ADAMTS12: variants seen among roughly 807,000 people sequenced by gnomAD.
ADAMTS12 encodes the protein ADAM metallopeptidase with thrombospondin type 1 motif 12, also known as A disintegrin and metalloproteinase with thrombospondin motifs 12.
In ADAMTS12, 118 loss-of-function variants were observed where a neutral mutation model predicts 167.8. That is an observed-to-expected ratio of 0.70 (90% CI 0.61 to 0.82). ADAMTS12 has a LOEUF of 0.82. ADAMTS12 is among the 40% of genes least tolerant of loss of function. The pLI is 0.00. For missense variants in ADAMTS12, 1,916 were observed against 1,998.8 expected, an observed-to-expected ratio of 0.96 and a Z score of 0.79; for synonymous variants, 704 against 716.9, an observed-to-expected ratio of 0.98 and a Z score of 0.29.
At chr5:33,835,548 C>T (rs995425044) in intron 2 of ADAMTS12, among the ~76,000 whole-genome samples, 4 of 152,212 alleles carry the variant, frequency 2.6e-5, no homozygotes, top group Non-Finnish European at 4.4e-5. Context: ...GGGCCTGTCT[C>T]CTAGTTCATA....
chr5:33,537,218 A>G (rs1744461097), intron 22 of ADAMTS12, among the ~76,000 whole-genome samples: 2 of 152,276 alleles, frequency 1.3e-5, no homozygotes, highest in African/African-American at 2.4e-5. Flanking sequence ...TTAAGTAAAT[A>G]TGATCAATCA....
At chr5:33,877,935 G>C (rs1383198558) in intron 2 of ADAMTS12, among the ~76,000 whole-genome samples, 1 of 152,118 alleles carries the variant, frequency 6.6e-6, no homozygotes. Flanking sequence ...AGGAATGACA[G>C]GCAGACGTCC....
Position 33,652,701 on chromosome 5 carries a change from C to G in ADAMTS12, c.1191-3004G>C, listed in dbSNP as rs190500782. Among the ~76,000 whole-genome samples, 309 of 152,094 alleles carry G rather than the reference C, an allele frequency of 2.0e-3. 2 individuals are homozygous for G. Among genetic ancestry groups the G allele is most frequent in the Non-Finnish European group, 9.9e-4 (67 of 67,938 alleles). On this transcript the variant is annotated intron_variant, in intron 7 of 23. Coordinates refer to ENST00000504830, the MANE Select transcript of ADAMTS12 (RefSeq NM_030955.4). ...TAAGGTCTTAGCCATAAATTCTTTG[C>G]CTGGACCAAAAGAGTTTCTTTCTTC...
In ADAMTS12 at chr5:33,751,478, C is replaced by A; in HGVS notation, c.560G>T (p.Gly187Val). The A allele has an allele frequency of 1.2e-6, 2 of 1,614,106 alleles. No homozygotes were observed. Among genetic ancestry groups the A allele is most frequent in the Non-Finnish European group, 1.7e-6 (2 of 1,180,004 alleles). The change falls in exon 3 of 24, where the codon GGA (glycine) becomes GTA (valine). Residue 187 changes from glycine (G) to valine (V), a missense_variant. Physicochemically the swap from Gly to Val is moderately radical, Grantham distance 109. Transcript: ENST00000504830. ...EPVKKHPLVEGGYHPHIVYRR... is the reference protein window; with the variant it reads ...EPVKKHPLVEVGYHPHIVYRR... ...GTAAACGATGTGCGGGTGGTACCCTCCCTCAACCAGTGGATGCTTCTTCAC... is the reference window on the plus strand; with the variant it reads ...GTAAACGATGTGCGGGTGGTACCCTACCTCAACCAGTGGATGCTTCTTCAC...
chr5:33,886,592 G>A (rs1407168188), intron 1 of ADAMTS12, among the ~76,000 whole-genome samples: 1 of 152,290 alleles, frequency 6.6e-6, no homozygotes, highest in South Asian at 2.1e-4. Flanking sequence ...TCCCAGGGAC[G>A]GTGATCTGAC....
intron 21 of ADAMTS12, among the ~76,000 whole-genome samples, chr5:33,547,168 C>T (rs965338466): frequency 6.6e-6 from 1 of 152,122 alleles, no homozygotes; most frequent in Non-Finnish European, 1.5e-5. Context: ...TTGTGCATAC[C>T]TACCTATGTG....
chr5:33,813,490 G>C (rs1254921641), intron 2 of ADAMTS12, among the ~76,000 whole-genome samples: 1 of 152,174 alleles, frequency 6.6e-6, no homozygotes. Flanking sequence ...TGGTGGAGTA[G>C]ATTTCTCCAC....
chr5:33,768,951 C>T (rs913504962), intron 2 of ADAMTS12, among the ~76,000 whole-genome samples: 2 of 151,610 alleles, frequency 1.3e-5, no homozygotes, highest in Admixed American at 6.6e-5. Flanking sequence ...ATTAAAGTTG[C>T]TAATCAGCTG....
At chr5:33,679,374 G>A (rs979028591) in intron 5 of ADAMTS12, among the ~76,000 whole-genome samples, 4 of 152,164 alleles carry the variant, frequency 2.6e-5, no homozygotes, top group Non-Finnish European at 4.4e-5. Flanking sequence ...GTTCAGCATG[G>A]CTTGGGAGGC....
intron 3 of ADAMTS12, among the ~76,000 whole-genome samples, chr5:33,721,386 C>A (rs1454130286): frequency 3.3e-5 from 5 of 152,004 alleles, no homozygotes; most frequent in Admixed American, 3.3e-4. Context: ...ATGAGAAAAC[C>A]CCCTCCGAAT....
chr5:33,649,611 T>C lies in ADAMTS12; in HGVS notation c.1277A>G (p.Asp426Gly). The C allele has an allele frequency of 6.2e-7, 1 of 1,614,030 alleles. No individual in the cohort carries two copies. The highest frequency in any genetic ancestry group is 8.5e-7 in the Non-Finnish European group (1 of 1,179,922). Residue 426 changes from aspartate (D) to glycine (G), a missense_variant, in exon 8 of 24, where the codon GAT becomes GGT. Transcript: ENST00000504830. ...CTTGGACCATGTCAGCGGAGTGGGA[T>C]CGTACTGGAGCTGGCGGGACATGAT... ...PYIMSRQLQY[D>G]PTPLTWSKCS... is the part of the protein sequence containing the mutation.
chr5:33,702,263 G>A (rs1223661763), intron 3 of ADAMTS12, among the ~76,000 whole-genome samples: 2 of 152,164 alleles, frequency 1.3e-5, no homozygotes, highest in African/African-American at 4.8e-5. Context: ...GCAACTTCCA[G>A]CATTGGTTCT....
At chr5:33,888,142 A>G (rs1750705404) in intron 1 of ADAMTS12, 1 of 152,168 alleles carries the variant, frequency 6.6e-6, no homozygotes, top group African/African-American at 2.4e-5. Flanking sequence ...ATATTAGTAT[A>G]TGTGCTTCCA....
chr5:33,805,598 G>A lies in ADAMTS12; in HGVS notation c.490-54050C>T, dbSNP rs115510452. Among the ~76,000 whole-genome samples the A allele has an allele frequency of 7.2e-3, 1,097 of 152,308 alleles. 13 individuals are homozygous for A. Among genetic ancestry groups the A allele is most frequent in the African/African-American group, 0.026 (1,062 of 41,562 alleles). On this transcript the variant is annotated intron_variant, in intron 2 of 23. Transcript: ENST00000504830. ...TCCTAATGGAGTGAGGTCTCCTAAG[G>A]GGAGCGCGTGGAGGCTTTCATCAAG...
chr5:33,880,987 G>T, intron 2 of ADAMTS12, 132 bp downstream of exon 2: 1 of 1,355,854 alleles, frequency 7.4e-7, no homozygotes, highest in Non-Finnish European at 1.0e-6. Flanking sequence ...CCACTTTGGA[G>T]GCCAGGATCA....
intron 17 of ADAMTS12, among the ~76,000 whole-genome samples, chr5:33,592,144 G>A (rs934225272): frequency 5.3e-5 from 8 of 152,044 alleles, no homozygotes; most frequent in Non-Finnish European, 1.5e-5. Flanking sequence ...TAGGAGGATC[G>A]CTTGAACCTG....
At chr5:33,556,482 C>T (rs1419615357) in intron 20 of ADAMTS12, among the ~76,000 whole-genome samples, 1 of 152,182 alleles carries the variant, frequency 6.6e-6, no homozygotes, top group East Asian at 1.9e-4. Context: ...TTGTAAGGAA[C>T]ATGGCTGTGC....
At chr5:33,607,157 G>A (rs1274264404) in intron 16 of ADAMTS12, among the ~76,000 whole-genome samples, 13 of 152,018 alleles carry the variant, frequency 8.6e-5, no homozygotes, top group Non-Finnish European at 1.5e-5. Flanking sequence ...TCAGCAGAAA[G>A]GCATACATAT....
At chr5:33,602,424 C>T (rs1738235064) in intron 16 of ADAMTS12, among the ~76,000 whole-genome samples, 1 of 152,160 alleles carries the variant, frequency 6.6e-6, no homozygotes, top group Non-Finnish European at 1.5e-5. Flanking sequence ...TCTCTCAATT[C>T]CAATAATTTA....
Sources: gnomAD v4.1 joint callset for allele counts (sites outside exome capture counted in the v4.1 genomes callset) on GRCh38, gnomAD v4.1.1 for gene constraint, MANE v1.5 for transcripts, NCBI Gene and HGNC (gene_info 2026-07-23, HGNC 2026-07-21) for gene names.